ADGRL3: variants seen among roughly 807,000 people sequenced by gnomAD.
ADGRL3 encodes calcium-independent alpha-latrotoxin receptor 3.
A neutral mutation model predicts 153.5 loss-of-function variants in ADGRL3; 62 were observed. The observed-to-expected ratio is 0.40, with a 90% confidence interval of 0.33 to 0.50. The LOEUF (loss-of-function observed/expected upper bound fraction) is 0.50. Among genes scored for constraint, ADGRL3 ranks in the 20% least tolerant of loss-of-function variants. ADGRL3 has a pLI of 0.47. For missense variants in ADGRL3, 1,641 were observed against 1,859.4 expected (o/e 0.88, Z 2.16); for synonymous variants, 710 against 672.5 (o/e 1.06, Z -0.86).
intron 9 of ADGRL3, among the ~76,000 whole-genome samples, chr4:61,854,201 T>TTCCTCCC (rs1268020283): frequency 2.0e-5 from 3 of 152,256 alleles, no homozygotes; most frequent in South Asian, 2.1e-4. Flanking sequence ...GGACAATACT[T>TTCCTCCC]TCCTCCCTCG....
chr4:61,706,645 C>T (rs2095863004), intron 6 of ADGRL3, among the ~76,000 whole-genome samples: 1 of 151,982 alleles, frequency 6.6e-6, no homozygotes. Flanking sequence ...ATTTTTCTTC[C>T]ACATCACCAT....
intron 25 of ADGRL3, among the ~76,000 whole-genome samples, chr4:62,052,996 A>C (rs1735017829): frequency 2.6e-5 from 4 of 151,546 alleles, no homozygotes; most frequent in South Asian, 2.1e-4. Flanking sequence ...TCAAAATTTT[A>C]AAACAAATAA....
intron 1 of ADGRL3, among the ~76,000 whole-genome samples, chr4:61,353,295 T>G (rs1159226715): frequency 6.6e-6 from 1 of 152,192 alleles, no homozygotes; most frequent in Admixed American, 6.5e-5. Context: ...TATCACAATA[T>G]TCACTTTATT....
intron 2 of ADGRL3, among the ~76,000 whole-genome samples, chr4:61,463,462 C>T (rs2097846735): frequency 6.6e-6 from 1 of 152,106 alleles, no homozygotes; most frequent in Non-Finnish European, 1.5e-5. Flanking sequence ...CTCTTGAAAA[C>T]TCACTCACTA....
intron 2 of ADGRL3, among the ~76,000 whole-genome samples, chr4:61,439,873 C>T (rs2097505845): frequency 6.6e-6 from 1 of 151,968 alleles, no homozygotes. Flanking sequence ...TCTCTTTTTC[C>T]ATTCCATCCT....
intron 9 of ADGRL3, among the ~76,000 whole-genome samples, chr4:61,829,592 T>A (rs889508651): frequency 2.0e-5 from 3 of 152,166 alleles, no homozygotes; most frequent in African/African-American, 4.8e-5. Flanking sequence ...AAATAGAACT[T>A]CTCCCTAGAG....
Position 61,867,479 on chromosome 4 carries a change from G to A in ADGRL3, c.1481-25177G>A, listed in dbSNP as rs796313564. Among the ~76,000 whole-genome samples the A allele has an allele frequency of 1.0e-4, 12 of 115,234 alleles. No homozygotes were observed. The Admixed American group carries it at 1.1e-3, about 11-fold the overall frequency. The allele number at this position is 115,234 out of a possible 152,430, so 75.6% of individuals were successfully genotyped here. A position where few individuals can be genotyped will look rare whatever the true frequency, so the allele number is the denominator to read the frequency against. On this transcript the variant is annotated intron_variant, in intron 9 of 26. Coordinates refer to ENST00000683033, the MANE Select transcript of ADGRL3 (RefSeq NM_001387552.1). ...GGTGCCGCTGCACTCCAGCCTGGGC[G>A]ACAGAGGGAGACCCTGTCTCAAAAA...
intron 9 of ADGRL3, among the ~76,000 whole-genome samples, chr4:61,833,581 G>C (rs2097898875): frequency 1.3e-5 from 2 of 152,286 alleles, no homozygotes; most frequent in South Asian, 4.1e-4. Flanking sequence ...AGATGAGCCA[G>C]TTTATCAGTC....
intron 8 of ADGRL3, among the ~76,000 whole-genome samples, chr4:61,783,384 A>ATG (rs1207475045): frequency 1.3e-5 from 2 of 152,120 alleles, no homozygotes; most frequent in African/African-American, 4.8e-5. Flanking sequence ...TTTAATGAAA[A>ATG]AAGGGTGTTT....
At chr4:61,338,650 T>C (rs1162197031) in intron 1 of ADGRL3, among the ~76,000 whole-genome samples, 1 of 152,178 alleles carries the variant, frequency 6.6e-6, no homozygotes, top group African/African-American at 2.4e-5. Context: ...CCGAATTGGA[T>C]GTCCAGGAGA....
Position 61,979,574 on chromosome 4 carries a change from G to A in ADGRL3, c.2817G>A (p.Ala939=), listed in dbSNP as rs759921885. Residue 939 remains alanine, a synonymous_variant, in exon 18 of 27, where the codon GCG becomes GCA. Coordinates refer to ENST00000683033, the MANE Select transcript of ADGRL3 (RefSeq NM_001387552.1). The part of the protein sequence containing the change: ...MAHVEVKHSD[A]VHDLLLDVIT... ...CATTGTGTTTCCAGCACAGTGATGC[G>A]GTCCATGACCTCCTTCTGGATGTGA... The A allele has an allele frequency of 1.6e-5, 26 of 1,613,576 alleles. No individual in the cohort carries two copies. The highest frequency in any genetic ancestry group is 5.3e-5 in the African/African-American group (4 of 74,870).
chr4:61,663,515 A>G (rs900070537), intron 5 of ADGRL3, among the ~76,000 whole-genome samples: 6 of 152,192 alleles, frequency 3.9e-5, no homozygotes, highest in Admixed American at 6.5e-5. Context: ...ACTTGCTCAC[A>G]GACCCCTCAC....
intron 3 of ADGRL3, among the ~76,000 whole-genome samples, chr4:61,497,614 C>T (rs529703607): frequency 3.0e-4 from 44 of 148,558 alleles, no homozygotes; most frequent in Non-Finnish European, 2.8e-4. Flanking sequence ...CTCCTGGGTT[C>T]ACGCCATTCT....
At chr4:61,436,018 A>G (rs2097441681) in intron 2 of ADGRL3, among the ~76,000 whole-genome samples, 1 of 152,196 alleles carries the variant, frequency 6.6e-6, no homozygotes, top group African/African-American at 2.4e-5. Flanking sequence ...GTATAATGGG[A>G]ATTCAAATTA....
intron 11 of ADGRL3, 90 bp from the exon 12 acceptor site, chr4:61,909,470 A>T: frequency 1.2e-6 from 1 of 837,066 alleles, no homozygotes; most frequent in South Asian, 1.9e-5. Flanking sequence ...ATCGATGATT[A>T]CAATTACATG....
At chr4:61,299,409 A>G (rs567456440) in intron 1 of ADGRL3, among the ~76,000 whole-genome samples, 1 of 152,270 alleles carries the variant, frequency 6.6e-6, no homozygotes, top group East Asian at 1.9e-4. Context: ...TTTTGTCAGC[A>G]TCCTCAGTTA....
chr4:61,608,401 C>T (rs1000026542), intron 5 of ADGRL3, among the ~76,000 whole-genome samples: 6 of 152,104 alleles, frequency 3.9e-5, no homozygotes, highest in African/African-American at 1.4e-4. Flanking sequence ...AACAAAAACC[C>T]TCTTACAGTT....
At chr4:61,245,850 T>C (rs550321864) in intron 1 of ADGRL3, among the ~76,000 whole-genome samples, 8 of 151,886 alleles carry the variant, frequency 5.3e-5, no homozygotes, top group African/African-American at 1.7e-4. Context: ...CTAGGTTCCC[T>C]GCTTTCAGAT....
intron 1 of ADGRL3, among the ~76,000 whole-genome samples, chr4:61,240,786 C>T (rs898064470): frequency 5.3e-5 from 8 of 152,030 alleles, no homozygotes; most frequent in Non-Finnish European, 8.8e-5. Context: ...TATGCATTTA[C>T]TTGTTTAATG....
Sources: gnomAD v4.1 joint callset for allele counts (sites outside exome capture counted in the v4.1 genomes callset) on GRCh38, gnomAD v4.1.1 for gene constraint, MANE v1.5 for transcripts, NCBI Gene and HGNC (gene_info 2026-07-23, HGNC 2026-07-21) for gene names.